PTGER3: variants seen among roughly 807,000 people sequenced by gnomAD.
PTGER3 encodes the protein prostaglandin E receptor 3, also known as prostaglandin E2 receptor EP3 subtype.
A neutral mutation model predicts 34.7 loss-of-function variants in PTGER3; 22 were observed. The observed-to-expected ratio is 0.63, with a 90% CI of 0.45 to 0.91. The LOEUF (loss-of-function observed/expected upper bound fraction) is 0.91. Among genes scored for constraint, PTGER3 ranks in the 40% least tolerant of loss-of-function variants. PTGER3 has a pLI of 0.00. For synonymous variants in PTGER3, 241 were observed against 230.1 expected (o/e 1.05, Z -0.43); for missense variants, 468 against 519.4 (o/e 0.90, Z 0.96).
In PTGER3 at chr1:71,012,365, C is replaced by CTGGT; in HGVS notation, c.1013_1016dup (p.Ile340ProfsTer84). 6.2e-7 allele frequency: 1 copy of CTGGT among 1,614,182 alleles called. No individual in the cohort carries two copies. Among genetic ancestry groups the CTGGT allele is most frequent in the Non-Finnish European group, 8.5e-7 (1 of 1,180,034 alleles). Reference sequence around the variant, plus strand: ...GCAGGTAAACCCAAGGATCCAAGATCTGGTTCAGTGAAGCCAGGCGAACAG... The same window carrying CTGGT: ...GCAGGTAAACCCAAGGATCCAAGATCTGGTTGGTTCAGTGAAGCCAGGCGAACAG... On this transcript the variant is annotated frameshift_variant, in exon 2 of 4. Transcript: ENST00000306666. LOFTEE classifies it high-confidence loss of function.
intron 4 of PTGER3, among the ~76,000 whole-genome samples, chr1:70,911,708 T>C (rs992620594): frequency 1.3e-5 from 2 of 152,138 alleles, no homozygotes; most frequent in Non-Finnish European, 2.9e-5. Context: ...ATTAAAAGCT[T>C]AGACAAGGTT....
At chr1:70,906,786 T>C (rs759271620) in intron 4 of PTGER3, among the ~76,000 whole-genome samples, 2 of 152,080 alleles carry the variant, frequency 1.3e-5, no homozygotes, top group Admixed American at 6.6e-5. Context: ...AGGGAGAGAG[T>C]TAGCATTTGA....
intron 4 of PTGER3, among the ~76,000 whole-genome samples, chr1:70,915,206 A>AT: frequency 6.6e-6 from 1 of 151,984 alleles, no homozygotes; most frequent in East Asian, 1.9e-4. Context: ...TCAAACTTAG[A>AT]TTTTTTTAAA....
chr1:71,030,874 TG>T (rs1659351255), intron 1 of PTGER3, among the ~76,000 whole-genome samples: 1 of 152,200 alleles, frequency 6.6e-6, no homozygotes, highest in Non-Finnish European at 1.5e-5. Context: ...TGTTCTTTTT[TG>T]TACAATATTT....
At chr1:70,948,163 C>T (rs922041084), downstream of PTGER3, among the ~76,000 whole-genome samples, 22 of 152,030 alleles carry the variant, frequency 1.4e-4, no homozygotes, top group South Asian at 6.2e-4. Context: ...GAGATTTATA[C>T]GTTGCCACTG....
chr1:70,874,863 T>C (rs541231064), intron 4 of PTGER3, among the ~76,000 whole-genome samples: 8 of 152,290 alleles, frequency 5.3e-5, no homozygotes, highest in Non-Finnish European at 7.4e-5. Context: ...TCCCTAAATA[T>C]AGGAACTTGG....
chr1:70,888,245 A>T (rs1471387569), intron 4 of PTGER3, among the ~76,000 whole-genome samples: 1 of 150,986 alleles, frequency 6.6e-6, no homozygotes, highest in Non-Finnish European at 1.5e-5. Context: ...GAATTCGGGC[A>T]GATCCAAAGA....
chr1:70,882,160 A>G (rs1378002746), intron 4 of PTGER3, among the ~76,000 whole-genome samples: 1 of 152,206 alleles, frequency 6.6e-6, no homozygotes, highest in African/African-American at 2.4e-5. Context: ...GAGTTCAGGC[A>G]GAAGAGGGTT....
Position 71,047,712 on chromosome 1 carries a change from C to T in PTGER3, c.-135G>A. Reference sequence around the variant, plus strand: ...TGCCCCCCATGGTGCGGGGCGCAGCCGCCGCCCTACTCCGCTGCTGGGACC... The same window carrying T: ...TGCCCCCCATGGTGCGGGGCGCAGCTGCCGCCCTACTCCGCTGCTGGGACC... On this transcript the variant is annotated 5_prime_UTR_variant, in exon 1 of 4. Coordinates refer to ENST00000306666, the MANE Select transcript of PTGER3 (RefSeq NM_198719.2). The T allele has an allele frequency of 2.0e-6, 2 of 1,014,206 alleles. No homozygotes were observed. The highest frequency in any genetic ancestry group is 2.7e-6 in the Non-Finnish European group (2 of 749,620). The allele number at this position is 1,014,206 out of a possible 1,614,324, so 62.8% of individuals were successfully genotyped here.
In PTGER3 at chr1:70,926,664, C is replaced by T. The variant is rs575049106; in HGVS notation, c.*23+27099G>A. Reference sequence around the variant, plus strand: ...GACTTCCTCTTTTCCTAATTGAATACGCTTTATTTCCTTCTCCTGACTAAT... The same window carrying T: ...GACTTCCTCTTTTCCTAATTGAATATGCTTTATTTCCTTCTCCTGACTAAT... On this transcript the variant is annotated intron_variant, in intron 4 of 4. Coordinates refer to the PTGER3 transcript ENST00000370931. Among the ~76,000 whole-genome samples the T allele has an allele frequency of 1.6e-4, 25 of 152,018 alleles. No individual in the cohort carries two copies. In the South Asian group the frequency reaches 2.5e-3, roughly 15 times the overall value.
At chr1:70,880,443 A>G (rs562652969) in intron 4 of PTGER3, among the ~76,000 whole-genome samples, 1 of 150,528 alleles carries the variant, frequency 6.6e-6, no homozygotes, top group Non-Finnish European at 1.5e-5. Flanking sequence ...TAACCCTAGC[A>G]CTTTAGGAGG....
At chr1:70,898,274 C>G (rs1646765047) in intron 4 of PTGER3, among the ~76,000 whole-genome samples, 1 of 152,134 alleles carries the variant, frequency 6.6e-6, no homozygotes, top group East Asian at 1.9e-4. Flanking sequence ...CCATCTTGGT[C>G]TTCCTGTTTT....
rs1653092380 is a variant in PTGER3, at chr1:70,971,678, G to A, written c.*52C>T. 1.3e-6 allele frequency: 2 copies of A among 1,549,394 alleles called. No individual in the cohort carries two copies. Among genetic ancestry groups the A allele is most frequent in the Non-Finnish European group, 1.7e-6 (2 of 1,150,078 alleles). Reference sequence around the variant, plus strand: ...ATCCTTCTCAGGTGGGAAGAAATATGCAAATTCAGGGAAGCAGGAATTGCA... The same window carrying A: ...ATCCTTCTCAGGTGGGAAGAAATATACAAATTCAGGGAAGCAGGAATTGCA... On this transcript the variant is annotated 3_prime_UTR_variant, in exon 4 of 4. Transcript: ENST00000306666.
chr1:70,953,773 A>G, exon 3 of PTGER3: 1 of 1,470,482 alleles, frequency 6.8e-7, no homozygotes, highest in Non-Finnish European at 9.1e-7. Context: ...TTGCTCTCTG[A>G]GTCTTCTTTT....
chr1:70,949,013 G>C (rs2100574558), downstream of PTGER3, among the ~76,000 whole-genome samples: 1 of 152,258 alleles, frequency 6.6e-6, no homozygotes, highest in African/African-American at 2.4e-5. Context: ...GATTCAAATA[G>C]AGTTTGCATT....
intron 2 of PTGER3, among the ~76,000 whole-genome samples, chr1:70,994,665 C>T (rs1387896809): frequency 6.6e-6 from 1 of 152,012 alleles, no homozygotes; most frequent in Non-Finnish European, 1.5e-5. Flanking sequence ...CCCATGTTGG[C>T]CAACATATTC....
intron 2 of PTGER3, among the ~76,000 whole-genome samples, chr1:70,980,753 G>A (rs1187327456): frequency 6.6e-6 from 1 of 152,108 alleles, no homozygotes; most frequent in Admixed American, 6.5e-5. Context: ...ATAACAAACA[G>A]GCCATTTATT....
chr1:70,925,210 G>T (rs1251730322), intron 4 of PTGER3, among the ~76,000 whole-genome samples: 3 of 152,126 alleles, frequency 2.0e-5, no homozygotes, highest in Non-Finnish European at 1.5e-5. Flanking sequence ...TCGCCATTCT[G>T]GCCAGTCTGG....
At chr1:70,933,932 G>A (rs1269634103) in intron 4 of PTGER3, among the ~76,000 whole-genome samples, 1 of 152,118 alleles carries the variant, frequency 6.6e-6, no homozygotes, top group African/African-American at 2.4e-5. Flanking sequence ...CTCTTTCATG[G>A]AAATTAATTG....
Sources: gnomAD v4.1 joint callset for allele counts (sites outside exome capture counted in the v4.1 genomes callset) on GRCh38, gnomAD v4.1.1 for gene constraint, MANE v1.5 for transcripts, NCBI Gene and HGNC (gene_info 2026-07-23, HGNC 2026-07-21) for gene names.